HGF: variants seen among roughly 807,000 people sequenced by gnomAD.
HGF encodes the protein fibroblast-derived tumor cytotoxic factor.
A neutral mutation model predicts 111.6 loss-of-function variants in HGF; 39 were observed. The observed-to-expected ratio is 0.35, with a 90% CI of 0.27 to 0.46. The LOEUF (loss-of-function observed/expected upper bound fraction) is 0.46, where lower values mean the gene tolerates loss of function less well. Ranked by LOEUF, HGF falls within the 20% of genes least tolerant of loss-of-function variation. The probability of loss-of-function intolerance (pLI) is 1.00; values close to 1 mark genes in which losing one functional copy is unlikely to be tolerated. For missense variants in HGF, 735 were observed against 910.5 expected, an observed-to-expected ratio of 0.81 and a Z score of 2.48; for synonymous variants, 285 against 294.8, an observed-to-expected ratio of 0.97 and a Z score of 0.34.
At chr7:81,751,597 G>T in intron 5 of HGF, 1 of 994,726 alleles carries the variant, frequency 1.0e-6, no homozygotes, top group Admixed American at 5.6e-5. Context: ...TGTCACATTT[G>T]ATTCTAGGCA....
intron 8 of HGF, among the ~76,000 whole-genome samples, chr7:81,727,339 G>A (rs143500816): frequency 1.3e-5 from 2 of 151,796 alleles, no homozygotes; most frequent in South Asian, 2.1e-4. Context: ...CACCGCACCC[G>A]GCCGAAACTG....
intron 7 of HGF, among the ~76,000 whole-genome samples, chr7:81,741,284 T>A (rs1787991175): frequency 6.6e-6 from 1 of 150,908 alleles, no homozygotes; most frequent in Non-Finnish European, 1.5e-5. Context: ...AATTCTGGTA[T>A]CATTTTTTTA....
chr7:81,726,299 G>A (rs1209127676), intron 8 of HGF, among the ~76,000 whole-genome samples: 2 of 152,144 alleles, frequency 1.3e-5, no homozygotes, highest in African/African-American at 4.8e-5. Context: ...CGGTACCGCT[G>A]CATTCTTCTC....
chr7:81,743,829 G>C (rs535432102), intron 6 of HGF, among the ~76,000 whole-genome samples: 21 of 152,234 alleles, frequency 1.4e-4, no homozygotes, highest in Admixed American at 7.9e-4. Context: ...TCTAGGGAAG[G>C]CTTAAAGTTC....
At chr7:81,732,226 A>C (rs6959317) in intron 7 of HGF, among the ~76,000 whole-genome samples, 1 of 151,970 alleles carries the variant, frequency 6.6e-6, no homozygotes. Flanking sequence ...TTAACCCACC[A>C]CTCCTCGGAC....
chr7:81,703,647 G>A (rs1044987163), intron 17 of HGF, among the ~76,000 whole-genome samples: 3 of 151,256 alleles, frequency 2.0e-5, no homozygotes, highest in African/African-American at 7.3e-5. Context: ...CAACTGTGCT[G>A]CACCACTTTC....
intron 11 of HGF, 101 bp downstream of exon 11, chr7:81,717,131 T>G: frequency 8.6e-7 from 1 of 1,166,890 alleles, no homozygotes; most frequent in Non-Finnish European, 1.3e-6. Flanking sequence ...GCTTCCTCAT[T>G]TGGGAATAAA....
chr7:81,750,992 TTACAAAC>T (rs1788470807), intron 5 of HGF: 1 of 975,180 alleles, frequency 1.0e-6, no homozygotes, highest in Non-Finnish European at 1.2e-6. Flanking sequence ...AAGTAAGAAT[TTACAAAC>T]AGAGATGGAA....
intron 11 of HGF, among the ~76,000 whole-genome samples, chr7:81,714,276 T>C (rs951279742): frequency 4.6e-5 from 7 of 152,138 alleles, no homozygotes; most frequent in African/African-American, 1.7e-4. Context: ...TAAGAAGAAG[T>C]GTTTGTATTT....
intron 2 of HGF, among the ~76,000 whole-genome samples, chr7:81,759,525 G>A (rs1372165533): frequency 4.6e-5 from 7 of 151,962 alleles, no homozygotes; most frequent in Admixed American, 4.6e-4. Flanking sequence ...TTGTTTTTGA[G>A]ACAGAGTCTC....
chr7:81,762,959 A>G, intron 1 of HGF, 87 bp from the exon 2 acceptor site: 1 of 799,210 alleles, frequency 1.3e-6, no homozygotes, highest in East Asian at 2.7e-5. Context: ...AGGATCATCT[A>G]CAAGAAAGTG....
chr7:81,717,690 C>T (rs1238630018), intron 10 of HGF, among the ~76,000 whole-genome samples: 3 of 151,774 alleles, frequency 2.0e-5, no homozygotes, highest in African/African-American at 2.4e-5. Context: ...AAAACATTGT[C>T]TAAAGCAAGC....
At chr7:81,748,337 C>T (rs545879320) in intron 5 of HGF, among the ~76,000 whole-genome samples, 78 of 152,246 alleles carry the variant, frequency 5.1e-4, no homozygotes, top group Middle Eastern at 6.8e-3. Context: ...AGGGAAAGTG[C>T]ATGGGAATGT....
At chr7:81,766,616 T>C (rs1789369345) in intron 1 of HGF, among the ~76,000 whole-genome samples, 1 of 152,154 alleles carries the variant, frequency 6.6e-6, no homozygotes, top group African/African-American at 2.4e-5. Context: ...CAGCATCATC[T>C]CTTCCAAGGG....
chr7:81,762,216 A>C (rs1789121340), intron 2 of HGF, among the ~76,000 whole-genome samples: 1 of 152,152 alleles, frequency 6.6e-6, no homozygotes, highest in Non-Finnish European at 1.5e-5. Context: ...TCTTCTTTTA[A>C]ACAGTCTCTG....
intron 6 of HGF, 62 bp downstream of exon 6, chr7:81,744,938 G>A (rs2116040966): frequency 9.7e-6 from 15 of 1,542,674 alleles, no homozygotes; most frequent in Non-Finnish European, 1.3e-5. Flanking sequence ...ACAGCAGTGT[G>A]TCATAGAGTG....
rs945603247 is a variant in HGF at position 81,706,210 on chromosome 7, A to T, written c.1757+77T>A. On this transcript the variant is annotated intron_variant, in intron 15 of 17. Transcript: ENST00000222390. ...AATGCATCTGTATGAGAGAGAACGA[A>T]CTGCCACACAGCTGAAGAAAATGCT... 8 of 1,287,488 alleles carry T rather than the reference A, an allele frequency of 6.2e-6. No individual in the cohort carries two copies. The African/African-American group carries it at 1.2e-4, about 19-fold the overall frequency. The allele number at this position is 1,287,488 out of a possible 1,614,324, so 79.8% of individuals were successfully genotyped here. A position where few individuals can be genotyped will look rare whatever the true frequency, so the allele number is the denominator to read the frequency against.
Position 81,707,332 on chromosome 7 carries a change from T to C in HGF, c.1574A>G (p.Lys525Arg). ...NKHICGGSLI[K>R]ESWVLTARQC... ...TCGTGCAGTAAGAACCCAACTCTCC[T>C]TTATCAATGATCCTCCGCAGATATG... is the stretch of plus-strand genomic sequence containing the variant. The change falls in exon 14 of 18, where the codon AAG becomes AGG. Residue 525 changes from lysine (K) to arginine (R), a missense_variant. Physicochemically the swap from Lys to Arg is conservative, Grantham distance 26 (BLOSUM62 2). Transcript: ENST00000222390. 1 of 1,602,198 alleles carries C rather than the reference T, an allele frequency of 6.2e-7. No homozygotes were observed. Among genetic ancestry groups the C allele is most frequent in the Middle Eastern group, 1.7e-4 (1 of 6,028 alleles).
At chr7:81,707,442 C>A in intron 13 of HGF, 78 bp from the exon 14 acceptor site, 2 of 831,862 alleles carry the variant, frequency 2.4e-6, no homozygotes, top group South Asian at 2.7e-5. Flanking sequence ...GCCTGTGGCT[C>A]CATTTGTTAA....
Sources: gnomAD v4.1 joint callset for allele counts (sites outside exome capture counted in the v4.1 genomes callset) on GRCh38, gnomAD v4.1.1 for gene constraint, MANE v1.5 for transcripts, NCBI Gene and HGNC (gene_info 2026-07-23, HGNC 2026-07-21) for gene names.